The following ABCA13 variants were observed in gnomAD, a reference collection of about 807,000 sequenced individuals.
The protein encoded by ABCA13 is ATP binding cassette subfamily A member 13.
Under a neutral mutation model 478.7 loss-of-function variants are expected in ABCA13, and 476 were observed. That is an observed-to-expected ratio of 0.99 (90% CI 0.92 to 1.07). ABCA13 has a LOEUF of 1.07. Among genes scored for constraint, ABCA13 ranks in the 50% least tolerant of loss-of-function variants. The pLI is 0.00. For missense variants in ABCA13, 6,060 were observed against 5,910.6 expected (o/e 1.03, Z -0.83); for synonymous variants, 2,252 against 2,158.9 (o/e 1.04, Z -1.20).
chr7:48,585,571 T>C (rs1488950541), intron 56 of ABCA13, among the ~76,000 whole-genome samples: 1 of 152,224 alleles, frequency 6.6e-6, no homozygotes, highest in Non-Finnish European at 1.5e-5. Context: ...ATAATGATTA[T>C]CCTAATATTT....
chr7:48,211,007 A>G (rs1297117862), intron 3 of ABCA13, among the ~76,000 whole-genome samples: 2 of 152,174 alleles, frequency 1.3e-5, no homozygotes, highest in Non-Finnish European at 2.9e-5. Flanking sequence ...TGCTTTTTAT[A>G]TATGGATGCT....
chr7:48,188,760 A>G (rs1796692930), intron 1 of ABCA13, among the ~76,000 whole-genome samples: 1 of 151,988 alleles, frequency 6.6e-6, no homozygotes, highest in Non-Finnish European at 1.5e-5. Flanking sequence ...ATGTATTGCT[A>G]ATGTCTTCCC....
At position 48,621,836 on chromosome 7, in the gene ABCA13, G is replaced by A. The variant is rs568924471; in HGVS notation, c.14837+6459G>A. On this transcript the variant is annotated intron_variant, in intron 59 of 61. Coordinates refer to ENST00000435803, the MANE Select transcript of ABCA13 (RefSeq NM_152701.5). ...TTCTATTAGTGGGATTTAGCTAAAA[G>A]CATTTTCCTGATGCTGGTTTGGGAC... is the stretch of plus-strand genomic sequence containing the variant. Among the ~76,000 whole-genome samples, 216 of 152,264 alleles carry A rather than the reference G, an allele frequency of 1.4e-3. 1 individual carries two copies. The highest frequency in any genetic ancestry group is 4.8e-3 in the African/African-American group (201 of 41,550).
chr7:48,557,554 G>T (rs1785968343), intron 55 of ABCA13, among the ~76,000 whole-genome samples: 1 of 152,054 alleles, frequency 6.6e-6, no homozygotes, highest in South Asian at 2.1e-4. Flanking sequence ...TCCACTGAAA[G>T]TCTGCTGCCA....
At chr7:48,368,892 A>G (rs886814409) in intron 32 of ABCA13, among the ~76,000 whole-genome samples, 2 of 151,710 alleles carry the variant, frequency 1.3e-5, no homozygotes, top group Non-Finnish European at 2.9e-5. Flanking sequence ...ATATGTGTGC[A>G]ACTATCTTTT....
Position 48,412,597 on chromosome 7 carries a change from T to C in ABCA13, c.12459+14T>C. ...ACCTTAGAAGAGGTACTGAGAAAAC[T>C]GAAGCGTGCTTTAATTATTTATGCC... On this transcript the variant is annotated intron_variant, in intron 41 of 61. Transcript: ENST00000435803. 2 of 1,583,300 alleles carry C rather than the reference T, an allele frequency of 1.3e-6. No homozygotes were observed. Among genetic ancestry groups the C allele is most frequent in the Non-Finnish European group, 8.6e-7 (1 of 1,164,442 alleles).
chr7:48,605,146 G>GAATAAAGCAC (rs1332389704), intron 58 of ABCA13, among the ~76,000 whole-genome samples: 1 of 152,040 alleles, frequency 6.6e-6, no homozygotes, highest in East Asian at 1.9e-4. Context: ...TGGGTCTCCT[G>GAATAAAGCAC]AATAAAGCAC....
chr7:48,433,673 A>G (rs1210265030), intron 42 of ABCA13, among the ~76,000 whole-genome samples: 1 of 151,940 alleles, frequency 6.6e-6, no homozygotes, highest in Non-Finnish European at 1.5e-5. Context: ...CAATTAGACA[A>G]CAACTCCTCA....
At position 48,274,070 on chromosome 7, in the gene ABCA13, C is replaced by T. The variant is rs1795974164; in HGVS notation, c.4404C>T (p.Asp1468=). 4 of 1,605,458 alleles carry T rather than the reference C, an allele frequency of 2.5e-6. No homozygotes were observed. Among genetic ancestry groups the T allele is most frequent in the Non-Finnish European group, 8.5e-7 (1 of 1,174,824 alleles). Residue 1468 remains aspartate (D), a synonymous_variant, in exon 17 of 62, where the codon GAC becomes GAT. Transcript: ENST00000435803. ...CVNIYLKDVT[D]FLNIVLTTVF... ...ATATTTACTTGAAAGATGTAACTGA[C>T]TTTCTAAATATTGTACTTACTACAG...
At chr7:48,626,562 A>C in intron 59 of ABCA13, 1 of 957,674 alleles carries the variant, frequency 1.0e-6, no homozygotes, top group South Asian at 4.8e-5. Flanking sequence ...AAACAGGAGA[A>C]TAACTGGCCT....
At chr7:48,356,166 A>G (rs1381863040) in intron 31 of ABCA13, among the ~76,000 whole-genome samples, 1 of 151,886 alleles carries the variant, frequency 6.6e-6, no homozygotes, top group Non-Finnish European at 1.5e-5. Context: ...AGTGTGTCAT[A>G]TGTGGCTCAT....
intron 41 of ABCA13, among the ~76,000 whole-genome samples, chr7:48,418,172 TAA>T (rs1420141810): frequency 1.3e-5 from 2 of 152,246 alleles, no homozygotes; most frequent in Non-Finnish European, 2.9e-5. Flanking sequence ...TGTGTGGACA[TAA>T]GTTTTCAACT....
chr7:48,544,926 G>C (rs1359837692), intron 55 of ABCA13, among the ~76,000 whole-genome samples: 2 of 151,902 alleles, frequency 1.3e-5, no homozygotes, highest in African/African-American at 4.8e-5. Flanking sequence ...CTGAACTAGA[G>C]AACATTCAGC....
chr7:48,366,661 T>C (rs1811721941), intron 31 of ABCA13, among the ~76,000 whole-genome samples: 1 of 151,968 alleles, frequency 6.6e-6, no homozygotes, highest in Non-Finnish European at 1.5e-5. Flanking sequence ...CAACCCTGCT[T>C]CATAACAGCC....
At chr7:48,204,181 C>T (rs1186943272) in intron 3 of ABCA13, among the ~76,000 whole-genome samples, 3 of 149,370 alleles carry the variant, frequency 2.0e-5, no homozygotes, top group African/African-American at 7.4e-5. Context: ...GATGAGATCT[C>T]GGCTCACCCC....
At chr7:48,412,698 C>T (rs1471764800) in intron 41 of ABCA13, 115 bp downstream of exon 41, 6 of 715,492 alleles carry the variant, frequency 8.4e-6, no homozygotes, top group Non-Finnish European at 1.2e-5. Flanking sequence ...GGAGTGTGCA[C>T]TTTTATTTAC....
chr7:48,220,737 A>G (rs571070312), intron 4 of ABCA13, among the ~76,000 whole-genome samples: 2 of 152,316 alleles, frequency 1.3e-5, no homozygotes, highest in Non-Finnish European at 2.9e-5. Context: ...GGGTCATTCT[A>G]CTTTTATAAA....
intron 38 of ABCA13, 81 bp downstream of exon 38, chr7:48,392,220 A>G: frequency 7.6e-7 from 1 of 1,308,142 alleles, no homozygotes; most frequent in Admixed American, 1.9e-5. Flanking sequence ...GAGACACTTA[A>G]AAAATCATCT....
At chr7:48,607,074 C>A (rs1395852281) in intron 58 of ABCA13, among the ~76,000 whole-genome samples, 2 of 152,190 alleles carry the variant, frequency 1.3e-5, no homozygotes, top group Admixed American at 6.5e-5. Context: ...TTGAGCATCC[C>A]AGGTCCACCT....
Sources: allele counts gnomAD v4.1 joint callset (sites outside exome capture counted in the v4.1 genomes callset), GRCh38; gene constraint gnomAD v4.1.1; transcripts MANE v1.5; gene names NCBI Gene and HGNC (gene_info 2026-07-23, HGNC 2026-07-21).